The following LMBR1 variants were observed in gnomAD, a reference collection of about 807,000 sequenced individuals.
LMBR1 encodes the protein limb region 1 protein homolog.
In LMBR1, 52 loss-of-function variants were observed where a neutral mutation model predicts 73.9. That is an observed-to-expected ratio of 0.70 (90% confidence interval 0.56 to 0.89). The LOEUF (loss-of-function observed/expected upper bound fraction) is 0.89, where lower values mean the gene tolerates loss of function less well. LMBR1 is among the 40% of genes least tolerant of loss of function. LMBR1 has a pLI of 0.00. For synonymous variants in LMBR1, 215 were observed against 209.4 expected (o/e 1.03, Z -0.23); for missense variants, 539 against 579.8 (o/e 0.93, Z 0.72).
intron 1 of LMBR1, among the ~76,000 whole-genome samples, chr7:156,888,730 C>A (rs1422750296): frequency 2.0e-5 from 3 of 151,976 alleles, no homozygotes; most frequent in Admixed American, 6.6e-5. Flanking sequence ...ACAGCCTGGG[C>A]AACATAGCAA....
intron 4 of LMBR1, among the ~76,000 whole-genome samples, chr7:156,821,119 G>A (rs374532229): frequency 2.0e-5 from 3 of 152,298 alleles, no homozygotes; most frequent in South Asian, 2.1e-4. Context: ...AATGTTTTCC[G>A]ACCCACCAAG....
At chr7:156,749,018 A>G (rs1585537738) in intron 9 of LMBR1, among the ~76,000 whole-genome samples, 1 of 152,196 alleles carries the variant, frequency 6.6e-6, no homozygotes, top group East Asian at 1.9e-4. Context: ...TGAATAAATT[A>G]TAACAAGGAA....
Position 156,725,317 on chromosome 7 carries a change from C to T in LMBR1, c.1158+118G>A, listed in dbSNP as rs115301463. The T allele has an allele frequency of 5.7e-4, 354 of 623,218 alleles. 2 individuals are homozygous for T. Among genetic ancestry groups the T allele is most frequent in the African/African-American group, 5.4e-3 (292 of 53,654 alleles). 38.6% of individuals were successfully genotyped at this position (623,218 alleles called of 1,614,324 possible). A position where few individuals can be genotyped will look rare whatever the true frequency, so the allele number is the denominator to read the frequency against. On this transcript the variant is annotated intron_variant, in intron 14 of 16. Coordinates refer to ENST00000353442, the MANE Select transcript of LMBR1 (RefSeq NM_022458.4). ...TTGAAAATCTTCCAGTTTGTGTTTA[C>T]GCAACTTACAAACAAATACCTATCA...
chr7:156,772,523 G>A (rs112444898), intron 5 of LMBR1, among the ~76,000 whole-genome samples: 3,824 of 152,178 alleles, frequency 0.025, 162 homozygotes, highest in African/African-American at 0.087. Flanking sequence ...CATATTACTG[G>A]GAAGTCCTGG....
rs1388115080 is a variant in LMBR1, at chr7:156,681,963, T to C, written c.*2115A>G. On this transcript the variant is annotated 3_prime_UTR_variant, in exon 17 of 17. Transcript: ENST00000353442. The stretch of plus-strand genomic sequence containing the variant: ...CTCTCCAGAGGCAGATGCTTGGGCA[T>C]GTGCTCAGGAAGAGCCTCGAGGAAC... 6.6e-6 allele frequency: 1 copy of C among 152,278 alleles called. No individual in the cohort carries two copies. Among genetic ancestry groups the C allele is most frequent in the African/African-American group, 2.4e-5 (1 of 41,476 alleles). 9.4% of individuals were successfully genotyped at this position (152,278 alleles called of 1,614,324 possible).
intron 15 of LMBR1, among the ~76,000 whole-genome samples, chr7:156,697,603 C>T (rs572741375): frequency 2.0e-4 from 30 of 152,264 alleles, no homozygotes; most frequent in Admixed American, 1.3e-3. Flanking sequence ...ATGAATTTAG[C>T]GATATCTTCC....
rs532757766 is a variant in LMBR1, at chr7:156,808,353, T to C, written c.320-11861A>G. The stretch of plus-strand genomic sequence containing the variant: ...TTCAACATGATGAAATGATCTTCTT[T>C]ATGACTGGTAATATTCTTTGCCCTT... On this transcript the variant is annotated intron_variant, in intron 4 of 16. Transcript: ENST00000353442. 1.2e-4 allele frequency among the ~76,000 whole-genome samples: 19 copies of C among 152,302 alleles called. No homozygotes were observed. In the East Asian group the frequency reaches 3.7e-3, roughly 29 times the overall value.
chr7:156,701,977 T>A (rs1172731997), intron 15 of LMBR1, among the ~76,000 whole-genome samples: 2 of 152,236 alleles, frequency 1.3e-5, no homozygotes, highest in African/African-American at 2.4e-5. Context: ...TTTATGGCTG[T>A]ATAATATTCC....
Position 156,825,060 on chromosome 7 carries a change from C to T in LMBR1, c.319+1545G>A, listed in dbSNP as rs112423929. Among the ~76,000 whole-genome samples, 1,114 of 152,198 alleles carry T rather than the reference C, an allele frequency of 7.3e-3. 15 individuals carry two copies. Among genetic ancestry groups the T allele is most frequent in the African/African-American group, 0.025 (1,045 of 41,532 alleles). Reference sequence around the variant, plus strand: ...ATCCTAACACGTCCTTATGTTAACTCAGAAATTCCAAATTCACTGACCTAT... The same window carrying T: ...ATCCTAACACGTCCTTATGTTAACTTAGAAATTCCAAATTCACTGACCTAT... On this transcript the variant is annotated intron_variant, in intron 4 of 16. Transcript: ENST00000353442.
At chr7:156,876,111 T>G (rs1419917641) in intron 1 of LMBR1, among the ~76,000 whole-genome samples, 1 of 152,026 alleles carries the variant, frequency 6.6e-6, no homozygotes, top group Non-Finnish European at 1.5e-5. Context: ...AAACTTAAGG[T>G]AAAGGTGGAA....
intron 8 of LMBR1, among the ~76,000 whole-genome samples, chr7:156,760,901 GAGAC>G (rs1374024985): frequency 2.0e-5 from 3 of 152,174 alleles, no homozygotes; most frequent in Non-Finnish European, 4.4e-5. Flanking sequence ...TATTACTAGT[GAGAC>G]AGAAACAAAA....
intron 15 of LMBR1, among the ~76,000 whole-genome samples, chr7:156,713,378 C>T (rs139976022): frequency 1.1e-4 from 16 of 151,708 alleles, no homozygotes; most frequent in African/African-American, 3.4e-4. Flanking sequence ...TGAACCCTAA[C>T]GTAAACTCTG....
intron 1 of LMBR1, among the ~76,000 whole-genome samples, chr7:156,870,757 A>C (rs1052372012): frequency 1.5e-4 from 19 of 125,172 alleles, no homozygotes; most frequent in Admixed American, 1.2e-3. Context: ...ACTCTGTCAC[A>C]AAAAAAAAAA....
chr7:156,788,335 A>G (rs1828532838), intron 5 of LMBR1, among the ~76,000 whole-genome samples: 1 of 152,198 alleles, frequency 6.6e-6, no homozygotes, highest in Non-Finnish European at 1.5e-5. Flanking sequence ...CTTGGACAGA[A>G]CTTTACTATC....
chr7:156,859,647 T>A (rs1424213239), intron 1 of LMBR1, among the ~76,000 whole-genome samples: 1 of 152,098 alleles, frequency 6.6e-6, no homozygotes, highest in Non-Finnish European at 1.5e-5. Context: ...ACTCTGATTT[T>A]AAAAATATCT....
At chr7:156,711,423 A>C (rs1812059336) in intron 15 of LMBR1, among the ~76,000 whole-genome samples, 1 of 152,220 alleles carries the variant, frequency 6.6e-6, no homozygotes, top group Admixed American at 6.5e-5. Flanking sequence ...AAATGACCAC[A>C]CTACTGCAAA....
rs1861094 is a variant in LMBR1, at chr7:156,726,115, T to C, written c.994-278A>G. 151,607 of 283,998 alleles carry C rather than the reference T, an allele frequency of 0.53. 40,855 individuals are homozygous for C. The highest frequency in any genetic ancestry group is 0.66 in the East Asian group (10,558 of 15,960). 17.6% of individuals were successfully genotyped at this position (283,998 alleles called of 1,614,324 possible). A position where few individuals can be genotyped will look rare whatever the true frequency, so the allele number is the denominator to read the frequency against. On this transcript the variant is annotated intron_variant, in intron 12 of 16. Coordinates refer to ENST00000353442, the MANE Select transcript of LMBR1 (RefSeq NM_022458.4). ...GATGACATGATTATGCTTACTGTTA[T>C]AAAATGGGGCAACTTGCCACTTGAG...
At chr7:156,732,232 C>T (rs1269280015) in intron 10 of LMBR1, among the ~76,000 whole-genome samples, 2 of 152,124 alleles carry the variant, frequency 1.3e-5, no homozygotes, top group Admixed American at 1.3e-4. Context: ...AGACACTGGA[C>T]ATCTGATCGT....
intron 1 of LMBR1, among the ~76,000 whole-genome samples, chr7:156,839,685 T>A (rs947056828): frequency 6.6e-6 from 1 of 152,216 alleles, no homozygotes; most frequent in Non-Finnish European, 1.5e-5. Flanking sequence ...AAACGGAGAA[T>A]GAAGAAGACT....
Sources: gnomAD v4.1 joint callset for allele counts (sites outside exome capture counted in the v4.1 genomes callset) on GRCh38, gnomAD v4.1.1 for gene constraint, MANE v1.5 for transcripts, NCBI Gene and HGNC (gene_info 2026-07-23, HGNC 2026-07-21) for gene names.